Variants in FHOD3 observed in about 807,000 individuals in gnomAD.
The protein encoded by FHOD3 is FH1/FH2 domain-containing protein 3.
A neutral mutation model predicts 173.0 loss-of-function variants in FHOD3; 90 were observed. The observed-to-expected ratio is 0.52, with a 90% confidence interval of 0.44 to 0.62. The LOEUF (loss-of-function observed/expected upper bound fraction) is 0.62. Ranked by LOEUF, FHOD3 falls within the 20% of genes least tolerant of loss-of-function variation. The pLI is 0.00. For synonymous variants in FHOD3, 828 were observed against 823.0 expected (o/e 1.01, Z -0.10); for missense variants, 1,945 against 2,034.7 (o/e 0.96, Z 0.85).
chr18:36,744,692 C>T (rs2042065883), intron 23 of FHOD3, among the ~76,000 whole-genome samples: 1 of 152,238 alleles, frequency 6.6e-6, no homozygotes, highest in Non-Finnish European at 1.5e-5. Context: ...GAGCTGTAAA[C>T]AGTATATGGC....
At chr18:36,762,120 G>T (rs563244483) in intron 27 of FHOD3, among the ~76,000 whole-genome samples, 11 of 152,242 alleles carry the variant, frequency 7.2e-5, no homozygotes, top group African/African-American at 2.6e-4. Context: ...ACTAACTAGT[G>T]CTTTTTGGAA....
intron 6 of FHOD3, among the ~76,000 whole-genome samples, chr18:36,587,839 A>G (rs1599764674): frequency 6.6e-6 from 1 of 152,200 alleles, no homozygotes; most frequent in Non-Finnish European, 1.5e-5. Flanking sequence ...AATTATTTTG[A>G]GTTGTCTGCT....
chr18:36,361,985 A>G (rs2145879256), intron 2 of FHOD3, among the ~76,000 whole-genome samples: 1 of 152,332 alleles, frequency 6.6e-6, no homozygotes, highest in East Asian at 1.9e-4. Context: ...GAATGAAGTA[A>G]CTCCCATGCT....
intron 3 of FHOD3, among the ~76,000 whole-genome samples, chr18:36,477,827 T>C (rs1171519254): frequency 6.6e-6 from 1 of 151,980 alleles, no homozygotes; most frequent in Admixed American, 6.6e-5. Flanking sequence ...TGGCAGGGTG[T>C]GGTTCTTGGC....
chr18:36,529,237 G>C (rs1007476289), intron 5 of FHOD3, among the ~76,000 whole-genome samples: 1 of 152,150 alleles, frequency 6.6e-6, no homozygotes, highest in African/African-American at 2.4e-5. Flanking sequence ...GGACAGATGG[G>C]TGTAATTGCA....
At chr18:36,680,393 C>T (rs1442686936) in intron 14 of FHOD3, among the ~76,000 whole-genome samples, 1 of 152,166 alleles carries the variant, frequency 6.6e-6, no homozygotes, top group African/African-American at 2.4e-5. Context: ...CAAGCTATAT[C>T]CTTGGATAAA....
chr18:36,312,025 C>T (rs1218047091), intron 1 of FHOD3, among the ~76,000 whole-genome samples: 2 of 152,204 alleles, frequency 1.3e-5, no homozygotes, highest in Non-Finnish European at 2.9e-5. Flanking sequence ...CCAGACCTGT[C>T]TAAGCCCCAC....
At chr18:36,368,803 A>C (rs2047024867) in intron 2 of FHOD3, among the ~76,000 whole-genome samples, 1 of 152,044 alleles carries the variant, frequency 6.6e-6, no homozygotes, top group South Asian at 2.1e-4. Context: ...TGAGAAAGCA[A>C]AGTGGGAAGA....
chr18:36,529,559 CT>C (rs2056687165), intron 5 of FHOD3, among the ~76,000 whole-genome samples: 2 of 152,086 alleles, frequency 1.3e-5, no homozygotes, highest in African/African-American at 4.8e-5. Context: ...TGGCTCACGC[CT>C]GTAATCCTAG....
intron 3 of FHOD3, among the ~76,000 whole-genome samples, chr18:36,430,474 C>T (rs58201218): frequency 0.037 from 5,673 of 152,252 alleles, 367 homozygotes; most frequent in African/African-American, 0.13. Flanking sequence ...CCTCGGCCTC[C>T]CAAAAGTGCT....
intron 14 of FHOD3, among the ~76,000 whole-genome samples, chr18:36,675,835 G>A (rs1175245269): frequency 4.6e-5 from 7 of 152,282 alleles, no homozygotes; most frequent in Non-Finnish European, 5.9e-5. Flanking sequence ...ACCCCAAAAC[G>A]TAAGCTGCTA....
chr18:36,302,313 T>C (rs80164681), intron 1 of FHOD3, among the ~76,000 whole-genome samples: 87 of 152,292 alleles, frequency 5.7e-4, no homozygotes, highest in African/African-American at 2.0e-3. Flanking sequence ...GCAGTGAGGA[T>C]AGAATCTAGC....
At chr18:36,760,829 G>A (rs201050742) in intron 27 of FHOD3, 47 bp downstream of exon 27, 8 of 1,537,202 alleles carry the variant, frequency 5.2e-6, no homozygotes, top group African/African-American at 1.4e-5. Flanking sequence ...CAGGTTGGCC[G>A]CTCTGGGGGG....
At chr18:36,411,880 G>A (rs1041059451) in intron 3 of FHOD3, among the ~76,000 whole-genome samples, 3 of 152,176 alleles carry the variant, frequency 2.0e-5, no homozygotes, top group South Asian at 2.1e-4. Context: ...CTGCCCACTG[G>A]CTTTTTCTCT....
intron 1 of FHOD3, among the ~76,000 whole-genome samples, chr18:36,350,659 C>T (rs2046078861): frequency 2.0e-5 from 3 of 152,050 alleles, no homozygotes; most frequent in Admixed American, 6.5e-5. Flanking sequence ...AGGTTGCCTC[C>T]GTGTAAGTAA....
Position 36,779,541 on chromosome 18 carries a change from T to C in FHOD3, c.*11T>C. The C allele has an allele frequency of 1.2e-6, 2 of 1,613,254 alleles. No homozygotes were observed. Among genetic ancestry groups the C allele is most frequent in the Non-Finnish European group, 1.7e-6 (2 of 1,179,246 alleles). ...GAGTTGCAGCTGTGACACTCATAGG[T>C]TACTCCCAGGAGTGTGCTGAGCAGA... On this transcript the variant is annotated 3_prime_UTR_variant, in exon 29 of 29. Coordinates refer to ENST00000590592, the MANE Select transcript of FHOD3 (RefSeq NM_001281740.3).
chr18:36,571,861 A>G (rs889085406), intron 5 of FHOD3, among the ~76,000 whole-genome samples: 3 of 152,254 alleles, frequency 2.0e-5, no homozygotes, highest in Non-Finnish European at 4.4e-5. Flanking sequence ...ATAGAGCTAC[A>G]TATAAAGAGG....
intron 3 of FHOD3, among the ~76,000 whole-genome samples, chr18:36,394,748 T>TTTG (rs998123704): frequency 6.6e-6 from 1 of 152,148 alleles, no homozygotes; most frequent in African/African-American, 2.4e-5. Flanking sequence ...GGAAGCCCAG[T>TTTG]TTGTTGTTGT....
At chr18:36,675,060 G>A (rs751919615) in intron 14 of FHOD3, among the ~76,000 whole-genome samples, 4 of 152,118 alleles carry the variant, frequency 2.6e-5, no homozygotes, top group Non-Finnish European at 5.9e-5. Flanking sequence ...TCTTCCCAGC[G>A]ATGGGAGGCT....
Sources: gnomAD v4.1 joint callset for allele counts (sites outside exome capture counted in the v4.1 genomes callset) on GRCh38, gnomAD v4.1.1 for gene constraint, MANE v1.5 for transcripts, NCBI Gene and HGNC (gene_info 2026-07-23, HGNC 2026-07-21) for gene names.